Variants in WIF1 observed in about 807,000 individuals in gnomAD.
WIF1 encodes the protein Wnt inhibitory factor 1.
In WIF1, 35 loss-of-function variants were observed where a neutral mutation model predicts 53.5. The ratio of observed to expected loss-of-function variants is 0.65; its 90% CI spans 0.50 to 0.87. The LOEUF (loss-of-function observed/expected upper bound fraction) is 0.87. Among genes scored for constraint, WIF1 ranks in the 40% least tolerant of loss-of-function variants. WIF1 has a pLI of 0.00. For synonymous variants in WIF1, 171 were observed against 170.4 expected (o/e 1.00, Z -0.03); for missense variants, 467 against 476.8 (o/e 0.98, Z 0.19).
chr12:65,120,695 C>T, intron 1 of WIF1, 139 bp from the exon 2 acceptor site: 1 of 988,288 alleles, frequency 1.0e-6, no homozygotes, highest in Non-Finnish European at 1.4e-6. Context: ...ACCATCAACG[C>T]TACTAAGATT....
At chr12:65,110,426 T>C (rs1021971293) in intron 2 of WIF1, among the ~76,000 whole-genome samples, 1 of 152,180 alleles carries the variant, frequency 6.6e-6, no homozygotes, top group African/African-American at 2.4e-5. Context: ...TCCTTTGAGC[T>C]CCAGTTCCAC....
intron 2 of WIF1, among the ~76,000 whole-genome samples, chr12:65,107,261 T>C (rs1883364540): frequency 1.3e-5 from 2 of 152,244 alleles, no homozygotes; most frequent in Admixed American, 6.5e-5. Flanking sequence ...TGCTTCAATG[T>C]GCTTCAAACA....
chr12:65,092,079 T>C (rs969466559), intron 2 of WIF1, among the ~76,000 whole-genome samples: 1 of 152,154 alleles, frequency 6.6e-6, no homozygotes, highest in African/African-American at 2.4e-5. Context: ...ATGTGGAACA[T>C]ATGTACCATG....
At chr12:65,069,470 T>G (rs1882739122) in intron 3 of WIF1, among the ~76,000 whole-genome samples, 1 of 152,202 alleles carries the variant, frequency 6.6e-6, no homozygotes, top group Non-Finnish European at 1.5e-5. Context: ...GAAAATATTT[T>G]ACGACTCAGA....
intron 2 of WIF1, among the ~76,000 whole-genome samples, chr12:65,110,467 C>T (rs1313307557): frequency 6.6e-6 from 1 of 152,222 alleles, no homozygotes; most frequent in Admixed American, 6.5e-5. Context: ...AAGCCTTCCT[C>T]TACTCCACCA....
intron 9 of WIF1, among the ~76,000 whole-genome samples, chr12:65,053,248 G>C (rs1248702951): frequency 2.0e-5 from 3 of 152,146 alleles, no homozygotes; most frequent in African/African-American, 7.2e-5. Context: ...GTGTCCACCT[G>C]AAGCCAATTT....
At chr12:65,067,966 T>C (rs1219351182) in intron 4 of WIF1, among the ~76,000 whole-genome samples, 176 bp from the exon 5 acceptor site, 1 of 152,192 alleles carries the variant, frequency 6.6e-6, no homozygotes, top group African/African-American at 2.4e-5. Flanking sequence ...TCACTAAATC[T>C]GCTGCAGAGT....
chr12:65,108,455 C>A (rs537730637), intron 2 of WIF1, among the ~76,000 whole-genome samples: 2 of 152,250 alleles, frequency 1.3e-5, no homozygotes, highest in South Asian at 2.1e-4. Context: ...AAATATGTAT[C>A]CAGGAATTTC....
chr12:65,068,188 T>C (rs982563689), intron 4 of WIF1, among the ~76,000 whole-genome samples: 3 of 152,160 alleles, frequency 2.0e-5, no homozygotes, highest in Non-Finnish European at 4.4e-5. Context: ...GCTTAAATTC[T>C]GAGCTAGAAA....
intron 2 of WIF1, among the ~76,000 whole-genome samples, chr12:65,079,164 CA>C (rs1226121849): frequency 4.6e-4 from 37 of 80,108 alleles, no homozygotes; most frequent in African/African-American, 1.2e-3. Context: ...GACTCCATCT[CA>C]AAAAAAAAAA....
chr12:65,076,249 C>A (rs1882858681), intron 3 of WIF1, among the ~76,000 whole-genome samples: 2 of 151,916 alleles, frequency 1.3e-5, no homozygotes, highest in Non-Finnish European at 2.9e-5. Flanking sequence ...GTTGCCCAGG[C>A]CGGTCTTGAA....
intron 9 of WIF1, among the ~76,000 whole-genome samples, chr12:65,053,329 G>T (rs892680200): frequency 2.6e-5 from 4 of 152,126 alleles, no homozygotes; most frequent in Non-Finnish European, 5.9e-5. Flanking sequence ...GATATGGTTT[G>T]CCTGTGTCCC....
Position 65,062,547 on chromosome 12 carries a change from C to T in WIF1, c.760G>A (p.Gly254Arg). The T allele has an allele frequency of 6.2e-7, 1 of 1,608,480 alleles. No homozygotes were observed. The highest frequency in any genetic ancestry group is 1.1e-5 in the South Asian group (1 of 90,042). ...ANCSTTCFNG[G>R]TCFYPGKCIC... The stretch of plus-strand genomic sequence containing the variant: ...CATTTTCCAGGGTAGAAACAGGTCC[C>T]TCCATTAAAGCAGGTGGTTGAGCAG... The change falls in exon 7 of 10, where the codon GGG becomes AGG. Residue 254 changes from glycine (G) to arginine (R), a missense_variant. Gly to Arg is a moderately radical substitution (Grantham distance 125). Coordinates refer to ENST00000286574, the MANE Select transcript of WIF1 (RefSeq NM_007191.5).
At chr12:65,051,638 C>A (rs543839497) in intron 9 of WIF1, among the ~76,000 whole-genome samples, 168 bp from the exon 10 acceptor site, 1 of 152,182 alleles carries the variant, frequency 6.6e-6, no homozygotes, top group Admixed American at 6.5e-5. Context: ...TAAGAGCAAC[C>A]CATTTTACTA....
At chr12:65,114,522 T>C (rs528771171) in intron 2 of WIF1, among the ~76,000 whole-genome samples, 1 of 152,334 alleles carries the variant, frequency 6.6e-6, no homozygotes, top group East Asian at 1.9e-4. Context: ...AAGCCTTTGT[T>C]ATATTTGATT....
At chr12:65,103,665 T>C (rs1883312646) in intron 2 of WIF1, among the ~76,000 whole-genome samples, 1 of 152,136 alleles carries the variant, frequency 6.6e-6, no homozygotes, top group South Asian at 2.1e-4. Context: ...TTTTTAAAAA[T>C]TGATTTGAGT....
chr12:65,069,874 C>T (rs940861516), intron 3 of WIF1, among the ~76,000 whole-genome samples: 3 of 152,140 alleles, frequency 2.0e-5, no homozygotes, highest in Non-Finnish European at 2.9e-5. Flanking sequence ...AACATATCCA[C>T]TGGGTAAGAC....
At chr12:65,119,654 TTGC>T (rs1448372723) in intron 2 of WIF1, among the ~76,000 whole-genome samples, 6 of 152,196 alleles carry the variant, frequency 3.9e-5, no homozygotes, top group African/African-American at 1.4e-4. Flanking sequence ...GAAGAATGCA[TTGC>T]TTACCATTTG....
At chr12:65,094,084 T>C (rs1009401811) in intron 2 of WIF1, among the ~76,000 whole-genome samples, 1 of 152,182 alleles carries the variant, frequency 6.6e-6, no homozygotes, top group African/African-American at 2.4e-5. Context: ...TCCCCAAACA[T>C]AGCCGCTGAA....
Sources: gnomAD v4.1 joint callset for allele counts (sites outside exome capture counted in the v4.1 genomes callset) on GRCh38, gnomAD v4.1.1 for gene constraint, MANE v1.5 for transcripts, NCBI Gene and HGNC (gene_info 2026-07-23, HGNC 2026-07-21) for gene names.